The following RARB variants were observed in gnomAD, a reference collection of about 807,000 sequenced individuals.
RARB encodes retinoic acid receptor beta.
A neutral mutation model predicts 51.9 loss-of-function variants in RARB; 17 were observed. That is an observed-to-expected ratio of 0.33 (90% CI 0.22 to 0.49). The LOEUF is 0.49. Among genes scored for constraint, RARB ranks in the 20% least tolerant of loss-of-function variants. RARB has a pLI of 0.99. For synonymous variants in RARB, 215 were observed against 195.4 expected (o/e 1.10, Z -0.84); for missense variants, 369 against 550.8 (o/e 0.67, Z 3.30).
At chr3:24,969,579 T>G (rs1419280496) in intron 2 of RARB, among the ~76,000 whole-genome samples, 1 of 152,146 alleles carries the variant, frequency 6.6e-6, no homozygotes, top group Non-Finnish European at 1.5e-5. Flanking sequence ...ATGTGCCATT[T>G]CATTTCACCA....
chr3:25,284,427 C>A (rs561481611), intron 5 of RARB, among the ~76,000 whole-genome samples: 1 of 151,868 alleles, frequency 6.6e-6, no homozygotes, highest in African/African-American at 2.4e-5. Context: ...AATATTTGAG[C>A]AATATTTTTA....
At chr3:25,214,697 T>C (rs571812619) in intron 5 of RARB, among the ~76,000 whole-genome samples, 4 of 152,326 alleles carry the variant, frequency 2.6e-5, no homozygotes, top group Admixed American at 6.5e-5. Context: ...AATTATAAGA[T>C]GAAAGTGTCC....
intron 5 of RARB, among the ~76,000 whole-genome samples, chr3:25,256,186 C>T (rs771585801): frequency 5.3e-5 from 8 of 152,112 alleles, no homozygotes; most frequent in Admixed American, 2.0e-4. Context: ...ATTGTATACT[C>T]GTCATTGCAC....
At chr3:25,145,822 C>G (rs1008028142) in intron 4 of RARB, among the ~76,000 whole-genome samples, 10 of 126,830 alleles carry the variant, frequency 7.9e-5, no homozygotes, top group Admixed American at 5.1e-4. Flanking sequence ...ATGGTAAAAC[C>G]CCATCTCTAC....
intron 1 of RARB, among the ~76,000 whole-genome samples, chr3:24,836,358 A>T (rs1389425881): frequency 6.6e-6 from 1 of 152,010 alleles, no homozygotes; most frequent in Non-Finnish European, 1.5e-5. Context: ...TTCAAATATG[A>T]CTCCTGTTTT....
chr3:25,119,338 G>T (rs1282333268), intron 3 of RARB, among the ~76,000 whole-genome samples: 2 of 152,080 alleles, frequency 1.3e-5, no homozygotes, highest in Non-Finnish European at 2.9e-5. Context: ...TTGAACCCTT[G>T]TTCCTCCATT....
chr3:24,988,691 T>TA, intron 2 of RARB, among the ~76,000 whole-genome samples: 1 of 152,354 alleles, frequency 6.6e-6, no homozygotes, highest in South Asian at 2.1e-4. Flanking sequence ...TAATATTATG[T>TA]ATGCAATGAT....
intron 5 of RARB, among the ~76,000 whole-genome samples, chr3:25,235,861 A>G (rs1225858237): frequency 1.3e-5 from 2 of 152,318 alleles, no homozygotes; most frequent in East Asian, 3.9e-4. Flanking sequence ...ATCTGTGAAT[A>G]AACAGTGCCA....
chr3:25,260,818 C>T (rs905477133), intron 5 of RARB, among the ~76,000 whole-genome samples: 1 of 152,110 alleles, frequency 6.6e-6, no homozygotes, highest in Non-Finnish European at 1.5e-5. Context: ...ATTAACTTTG[C>T]TGATTCTTGT....
chr3:24,848,731 ATAT>A (rs1306424644), intron 1 of RARB, among the ~76,000 whole-genome samples: 2 of 152,194 alleles, frequency 1.3e-5, no homozygotes, highest in Non-Finnish European at 2.9e-5. Flanking sequence ...AGCATATTCT[ATAT>A]CCCATCTGTT....
chr3:25,343,369 CTT>C (rs1705291574), intron 5 of RARB, among the ~76,000 whole-genome samples: 1 of 152,000 alleles, frequency 6.6e-6, no homozygotes, highest in Non-Finnish European at 1.5e-5. Context: ...TTTTCTCCCC[CTT>C]TGTCTTTAAT....
chr3:25,052,143 T>A (rs963861286), intron 2 of RARB, among the ~76,000 whole-genome samples: 1 of 152,126 alleles, frequency 6.6e-6, no homozygotes, highest in African/African-American at 2.4e-5. Flanking sequence ...TACACCTAAC[T>A]TAAACTGGAC....
chr3:25,314,842 C>G (rs541763832), intron 5 of RARB, among the ~76,000 whole-genome samples: 1 of 152,224 alleles, frequency 6.6e-6, no homozygotes, highest in African/African-American at 2.4e-5. Context: ...CCTTACCTGC[C>G]TGCCTCCTCC....
intron 4 of RARB, among the ~76,000 whole-genome samples, chr3:25,574,851 C>T (rs1700859738): frequency 6.6e-6 from 1 of 152,122 alleles, no homozygotes; most frequent in Non-Finnish European, 1.5e-5. Context: ...GGAGCAGAAC[C>T]TGGAACTCGG....
chr3:25,214,720 T>C (rs1701779737), intron 5 of RARB, among the ~76,000 whole-genome samples: 1 of 152,208 alleles, frequency 6.6e-6, no homozygotes, highest in African/African-American at 2.4e-5. Context: ...TTCTGAGCCC[T>C]CACTTTGGGC....
intron 2 of RARB, among the ~76,000 whole-genome samples, chr3:24,974,090 T>C (rs1231000190): frequency 6.6e-6 from 1 of 152,122 alleles, no homozygotes; most frequent in African/African-American, 2.4e-5. Flanking sequence ...TGTAGGTTTG[T>C]CATATATGGC....
intron 5 of RARB, among the ~76,000 whole-genome samples, chr3:25,213,407 T>C (rs1033379254): frequency 1.3e-5 from 2 of 152,210 alleles, no homozygotes; most frequent in Non-Finnish European, 2.9e-5. Context: ...TCGGTTCTTT[T>C]TCACTTCCCG....
chr3:24,859,054 A>G (rs918328841), intron 2 of RARB, among the ~76,000 whole-genome samples: 9 of 92,126 alleles, frequency 9.8e-5, no homozygotes, highest in Middle Eastern at 4.6e-3. Context: ...AAAAAAAAAA[A>G]AAAGAAAAAA....
upstream of RARB, among the ~76,000 whole-genome samples, chr3:25,427,523 C>A (rs1284351569): frequency 1.3e-5 from 2 of 152,164 alleles, no homozygotes; most frequent in Non-Finnish European, 2.9e-5. Flanking sequence ...AAGTCCAGAT[C>A]TGAAATCTCA....
Sources: gnomAD v4.1 joint callset for allele counts (sites outside exome capture counted in the v4.1 genomes callset) on GRCh38, gnomAD v4.1.1 for gene constraint, MANE v1.5 for transcripts, NCBI Gene and HGNC (gene_info 2026-07-23, HGNC 2026-07-21) for gene names.